GPHN: variants seen among roughly 807,000 people sequenced by gnomAD.
GPHN encodes gephyrin.
Under a neutral mutation model 95.5 loss-of-function variants are expected in GPHN, and 17 were observed. That is an observed-to-expected ratio of 0.18 (90% CI 0.12 to 0.27). The LOEUF is 0.27. Ranked by LOEUF, GPHN falls within the 10% of genes least tolerant of loss-of-function variation. The pLI is 1.00. For missense variants in GPHN, 660 were observed against 978.1 expected (o/e 0.67, Z 4.34); for synonymous variants, 320 against 322.5 (o/e 0.99, Z 0.08).
At chr14:66,963,437 T>C (rs766510430) in intron 8 of GPHN, among the ~76,000 whole-genome samples, 2 of 152,088 alleles carry the variant, frequency 1.3e-5, no homozygotes, top group Non-Finnish European at 2.9e-5. Context: ...AGTTCCATCA[T>C]GACAGTGCAT....
chr14:66,913,586 C>G (rs986707881), intron 5 of GPHN, among the ~76,000 whole-genome samples: 3 of 152,092 alleles, frequency 2.0e-5, no homozygotes, highest in Non-Finnish European at 4.4e-5. Flanking sequence ...GTGATCCTCC[C>G]ACCTCGGCTT....
At chr14:67,075,862 C>G (rs891016018) in intron 11 of GPHN, among the ~76,000 whole-genome samples, 3 of 152,104 alleles carry the variant, frequency 2.0e-5, no homozygotes, top group African/African-American at 7.2e-5. Context: ...AAAGGGGCTT[C>G]TTAAGATGGA....
intron 1 of GPHN, among the ~76,000 whole-genome samples, chr14:66,613,350 G>A (rs1004215385): frequency 3.3e-5 from 5 of 151,964 alleles, no homozygotes; most frequent in Non-Finnish European, 7.4e-5. Flanking sequence ...TTGCACTCAG[G>A]AATACTACAC....
intron 1 of GPHN, chr14:66,508,932 G>A: frequency 5.3e-6 from 2 of 374,874 alleles, no homozygotes; most frequent in Non-Finnish European, 5.1e-6. Context: ...CGGCTCCGCA[G>A]TCTGAAGCAT....
At chr14:66,819,190 A>G (rs1486862209) in intron 3 of GPHN, among the ~76,000 whole-genome samples, 2 of 152,150 alleles carry the variant, frequency 1.3e-5, no homozygotes, top group Non-Finnish European at 2.9e-5. Flanking sequence ...GGTATTGCCT[A>G]GGTTGTCTTC....
At chr14:67,730,455 T>C in the GPHN span, among the ~76,000 whole-genome samples, 6 of 152,202 alleles carry the variant, frequency 3.9e-5, no homozygotes, top group African/African-American at 1.4e-4. Context: ...CAGTAAGCAT[T>C]TCCTTTGAGT....
chr14:67,038,123 C>T (rs992823088), intron 10 of GPHN, among the ~76,000 whole-genome samples: 13 of 151,880 alleles, frequency 8.6e-5, no homozygotes, highest in African/African-American at 2.2e-4. Flanking sequence ...TATTGAGCCT[C>T]CAAAAAATAA....
intron 1 of GPHN, among the ~76,000 whole-genome samples, chr14:66,522,736 C>A (rs1435783174): frequency 6.6e-6 from 1 of 151,698 alleles, no homozygotes; most frequent in African/African-American, 2.4e-5. Flanking sequence ...AATTATTTTA[C>A]CCTGGATTTA....
the GPHN span, among the ~76,000 whole-genome samples, chr14:67,461,602 C>T: frequency 6.9e-3 from 1,040 of 151,620 alleles, 10 homozygotes; most frequent in Admixed American, 1.0e-2. Context: ...GGATATGAAA[C>T]GTAAGCCAGG....
chr14:67,447,029 A>G, the GPHN span: 1 of 152,196 alleles, frequency 6.6e-6, no homozygotes, highest in Non-Finnish European at 1.5e-5. Context: ...GGAAGTCCAT[A>G]TGGGGAGTGT....
rs1463684047 is a variant in GPHN, at chr14:67,100,894, T to G, written c.1276T>G (p.Ser426Ala). The change falls in exon 13 of 23, where the codon TCC becomes GCC. Residue 426 changes from serine to alanine, a missense_variant. Transcript: ENST00000478722. Reference sequence around the variant, plus strand: ...AGGAGATCGTTTCATCATTGGGGAATCCCAAGCTGGTGAACAGGTGAGATT... The same window carrying G: ...AGGAGATCGTTTCATCATTGGGGAAGCCCAAGCTGGTGAACAGGTGAGATT... ...GPGDRFIIGE[S>A]QAGEQPTQTV... is the part of the protein sequence containing the mutation. 3.7e-6 allele frequency: 6 copies of G among 1,603,766 alleles called. No homozygotes were observed. The highest frequency in any genetic ancestry group is 1.1e-5 in the South Asian group (1 of 90,898).
At chr14:67,250,544 C>T in the GPHN span, among the ~76,000 whole-genome samples, 1 of 152,166 alleles carries the variant, frequency 6.6e-6, no homozygotes, top group African/African-American at 2.4e-5. Context: ...TCTAGTTAAA[C>T]AGATTGTTTT....
At chr14:67,431,161 G>C in the GPHN span, among the ~76,000 whole-genome samples, 1 of 152,014 alleles carries the variant, frequency 6.6e-6, no homozygotes, top group Non-Finnish European at 1.5e-5. Context: ...TTGGGAGGCC[G>C]AGGCGGGTGG....
intron 2 of GPHN, among the ~76,000 whole-genome samples, chr14:66,714,703 C>G (rs1468868926): frequency 6.6e-6 from 1 of 152,112 alleles, no homozygotes; most frequent in African/African-American, 2.4e-5. Flanking sequence ...TGGATTTTGT[C>G]AAATGCTTTT....
At chr14:66,571,871 C>T (rs2060708451) in intron 1 of GPHN, among the ~76,000 whole-genome samples, 2 of 152,164 alleles carry the variant, frequency 1.3e-5, no homozygotes, top group African/African-American at 2.4e-5. Flanking sequence ...GGAAGCTTTT[C>T]CCCTAGGATT....
At chr14:67,675,648 A>G in the GPHN span, among the ~76,000 whole-genome samples, 1 of 152,138 alleles carries the variant, frequency 6.6e-6, no homozygotes, top group East Asian at 1.9e-4. Flanking sequence ...ATTGCGAGGG[A>G]TCTGGGCATG....
chr14:67,116,070 G>A (rs866386076), intron 16 of GPHN, among the ~76,000 whole-genome samples: 2 of 152,152 alleles, frequency 1.3e-5, no homozygotes, highest in Non-Finnish European at 2.9e-5. Context: ...GGGAGGCCGA[G>A]ATGGGTAGAT....
the GPHN span, among the ~76,000 whole-genome samples, chr14:67,319,574 G>A: frequency 4.7e-4 from 69 of 148,044 alleles, no homozygotes; most frequent in African/African-American, 1.7e-3. Context: ...GGGGCCACAC[G>A]TAAAATACAC....
chr14:66,939,010 A>G (rs76211461), intron 8 of GPHN, among the ~76,000 whole-genome samples: 2,303 of 152,338 alleles, frequency 0.015, 33 homozygotes, highest in Non-Finnish European at 0.018. Flanking sequence ...AATTAATTTG[A>G]ACTTTTATCT....
Sources: gnomAD v4.1 joint callset for allele counts (sites outside exome capture counted in the v4.1 genomes callset) on GRCh38, gnomAD v4.1.1 for gene constraint, MANE v1.5 for transcripts, NCBI Gene and HGNC (gene_info 2026-07-23, HGNC 2026-07-21) for gene names.